The following CACNA1C variants were observed in gnomAD, a reference collection of about 807,000 sequenced individuals.
CACNA1C encodes the protein calcium voltage-gated channel subunit alpha1 C.
CACNA1C carries 30 observed loss-of-function variants against 229.0 expected under a neutral mutation model. The observed-to-expected ratio is 0.13, with a 90% CI of 0.10 to 0.18. CACNA1C has a LOEUF of 0.18. CACNA1C is among the 10% of genes least tolerant of loss of function. The pLI is 1.00. For missense variants in CACNA1C, 1,658 were observed against 2,845.0 expected (o/e 0.58, Z 9.49); for synonymous variants, 1,114 against 1,132.5 (o/e 0.98, Z 0.33).
chr12:2,047,799 A>G (rs553009836), intron 1 of CACNA1C, among the ~76,000 whole-genome samples: 9 of 152,322 alleles, frequency 5.9e-5, no homozygotes, highest in African/African-American at 1.9e-4. Flanking sequence ...CTGGTGAAGA[A>G]TCTCTAGAAG....
intron 3 of CACNA1C, among the ~76,000 whole-genome samples, chr12:2,177,491 G>A (rs190703790): frequency 1.4e-5 from 2 of 148,102 alleles, no homozygotes; most frequent in Admixed American, 6.7e-5. Flanking sequence ...TTCTTTTCTT[G>A]TCTTTCCCTC....
chr12:2,366,669 C>T (rs1419106173), intron 3 of CACNA1C, among the ~76,000 whole-genome samples: 1 of 152,142 alleles, frequency 6.6e-6, no homozygotes, highest in East Asian at 1.9e-4. Context: ...ACAGCAGTCC[C>T]CAACCTTTTT....
intron 3 of CACNA1C, among the ~76,000 whole-genome samples, chr12:2,310,036 A>G (rs2095334013): frequency 6.6e-6 from 1 of 152,146 alleles, no homozygotes; most frequent in Non-Finnish European, 1.5e-5. Context: ...AGTCTATAAG[A>G]TCTATGTTTA....
intron 13 of CACNA1C, among the ~76,000 whole-genome samples, chr12:2,577,277 A>G (rs886843423): frequency 6.6e-6 from 1 of 152,240 alleles, no homozygotes; most frequent in African/African-American, 2.4e-5. Flanking sequence ...TCATGTAGAC[A>G]GTAGGCTGGT....
At chr12:2,337,726 A>G (rs2096742398) in intron 3 of CACNA1C, among the ~76,000 whole-genome samples, 1 of 152,208 alleles carries the variant, frequency 6.6e-6, no homozygotes, top group Admixed American at 6.5e-5. Flanking sequence ...GGGCAGAGTT[A>G]TCATGTGCGT....
intron 3 of CACNA1C, among the ~76,000 whole-genome samples, chr12:2,194,594 C>T (rs936422630): frequency 2.0e-5 from 3 of 152,180 alleles, no homozygotes; most frequent in Non-Finnish European, 4.4e-5. Flanking sequence ...TTCCTTCCCC[C>T]TTCCTGCTCT....
chr12:2,302,484 AT>A (rs2094641065), intron 3 of CACNA1C, among the ~76,000 whole-genome samples: 1 of 151,848 alleles, frequency 6.6e-6, no homozygotes, highest in Non-Finnish European at 1.5e-5. Flanking sequence ...GGCACCAATT[AT>A]TGGAAGTTCC....
intron 3 of CACNA1C, among the ~76,000 whole-genome samples, chr12:2,272,336 C>A (rs1265297095): frequency 6.6e-6 from 1 of 152,178 alleles, no homozygotes; most frequent in African/African-American, 2.4e-5. Context: ...TCGATTCCAG[C>A]TCCAGTTCTG....
At chr12:2,162,954 A>T (rs937729411) in intron 3 of CACNA1C, among the ~76,000 whole-genome samples, 3 of 152,118 alleles carry the variant, frequency 2.0e-5, no homozygotes, top group African/African-American at 7.2e-5. Flanking sequence ...AAACCCACGG[A>T]TATGCCTTCC....
chr12:2,295,489 G>A (rs1297211229), intron 3 of CACNA1C, among the ~76,000 whole-genome samples: 1 of 152,120 alleles, frequency 6.6e-6, no homozygotes, highest in Non-Finnish European at 1.5e-5. Flanking sequence ...CTAAGGCAGG[G>A]AATTTTCTTG....
intron 30 of CACNA1C, 145 bp from the exon 31 acceptor site, chr12:2,648,330 A>C: frequency 1.3e-6 from 1 of 748,192 alleles, no homozygotes; most frequent in South Asian, 1.6e-5. Context: ...AGGACCTGCC[A>C]GGCCTACGCT....
intron 1 of CACNA1C, among the ~76,000 whole-genome samples, chr12:2,062,599 A>G (rs1380919746): frequency 1.3e-5 from 2 of 152,168 alleles, no homozygotes; most frequent in South Asian, 2.1e-4. Flanking sequence ...TGATGGCTGC[A>G]TGTTGTCGTG....
chr12:2,380,570 C>G (rs2098214357), intron 3 of CACNA1C, among the ~76,000 whole-genome samples: 1 of 152,152 alleles, frequency 6.6e-6, no homozygotes, highest in African/African-American at 2.4e-5. Flanking sequence ...ATAAACTGGG[C>G]TCTTAATAGG....
chr12:2,361,931 G>A (rs995151884), intron 3 of CACNA1C, among the ~76,000 whole-genome samples: 1 of 152,206 alleles, frequency 6.6e-6, no homozygotes, highest in African/African-American at 2.4e-5. Flanking sequence ...GTGACGTCGA[G>A]CTCTGCCTGA....
At position 2,492,291 on chromosome 12, in the gene CACNA1C, G is replaced by A. The variant is rs781066633; in HGVS notation, c.917-899G>A. Among the ~76,000 whole-genome samples, 37 of 152,152 alleles carry A rather than the reference G, an allele frequency of 2.4e-4. 1 individual carries two copies. The highest frequency in any genetic ancestry group is 5.9e-5 in the Non-Finnish European group (4 of 68,034). On this transcript the variant is annotated intron_variant, in intron 6 of 46. Coordinates refer to ENST00000399655, the MANE Select transcript of CACNA1C (RefSeq NM_000719.7). ...ATTTGCTGGGAGCTATTCCCAGCAC[G>A]TGAAATTAGTCCAACTGCTGCATTT...
At chr12:2,172,897 TG>T (rs2096538531) in intron 3 of CACNA1C, among the ~76,000 whole-genome samples, 1 of 152,162 alleles carries the variant, frequency 6.6e-6, no homozygotes, top group Admixed American at 6.5e-5. Flanking sequence ...TGGGGCCTCA[TG>T]GGACCAGAAG....
intron 3 of CACNA1C, among the ~76,000 whole-genome samples, chr12:2,342,830 A>AT (rs1295768688): frequency 1.3e-5 from 2 of 152,006 alleles, no homozygotes; most frequent in African/African-American, 4.8e-5. Context: ...CTTGTGTTTG[A>AT]TTTCTGTAGT....
chr12:2,630,709 G>A lies in CACNA1C; in HGVS notation c.3829-3588G>A, dbSNP rs1251449277. Among the ~76,000 whole-genome samples the A allele has an allele frequency of 1.3e-5, 2 of 152,204 alleles. No homozygotes were observed. Among genetic ancestry groups the A allele is most frequent in the Non-Finnish European group, 2.9e-5 (2 of 68,032 alleles). ...ATGTACCCTCACCCACTGCATTCCA[G>A]CTCTGTGGAAATCCCCCAGGGCTGG... On this transcript the variant is annotated intron_variant, in intron 29 of 46. Transcript: ENST00000399655. The surrounding 1 kb of genome is among the most constrained non-coding windows in gnomAD (Gnocchi z 5.4).
At chr12:1,980,390 G>A (rs1248860831) in intron 1 of CACNA1C, among the ~76,000 whole-genome samples, 4 of 151,988 alleles carry the variant, frequency 2.6e-5, no homozygotes, top group East Asian at 3.9e-4. Flanking sequence ...TTTTAAAAGC[G>A]TCTTTTCAAA....
Sources: allele counts gnomAD v4.1 joint callset (sites outside exome capture counted in the v4.1 genomes callset), GRCh38; gene constraint gnomAD v4.1.1; non-coding constraint Gnocchi (gnomAD v3.1); transcripts MANE v1.5; gene names NCBI Gene and HGNC (gene_info 2026-07-23, HGNC 2026-07-21).